MPHOSPH9: variants seen among roughly 807,000 people sequenced by gnomAD.
The protein encoded by MPHOSPH9 is M-phase phosphoprotein 9.
In MPHOSPH9, 88 loss-of-function variants were observed where a neutral mutation model predicts 145.5. That is an observed-to-expected ratio of 0.60 (90% CI 0.51 to 0.72). The LOEUF (loss-of-function observed/expected upper bound fraction) is 0.72, where lower values mean the gene tolerates loss of function less well. Ranked by LOEUF, MPHOSPH9 falls within the 30% of genes least tolerant of loss-of-function variation. The probability of loss-of-function intolerance (pLI) is 0.00; values close to 1 mark genes in which losing one functional copy is unlikely to be tolerated. For synonymous variants in MPHOSPH9, 435 were observed against 486.2 expected (o/e 0.89, Z 1.39); for missense variants, 1,238 against 1,386.6 (o/e 0.89, Z 1.70).
At chr12:123,238,511 CTG>C (rs1397318521) in intron 1 of MPHOSPH9, among the ~76,000 whole-genome samples, 7 of 152,146 alleles carry the variant, frequency 4.6e-5, no homozygotes, top group African/African-American at 1.7e-4. Context: ...TGGCTCATGA[CTG>C]TAATCCCAGC....
chr12:123,217,287 TC>T (rs2047010328), intron 6 of MPHOSPH9, among the ~76,000 whole-genome samples: 1 of 151,792 alleles, frequency 6.6e-6, no homozygotes, highest in Admixed American at 6.6e-5. Flanking sequence ...AACCTCTGTC[TC>T]CCCAGTTCAA....
intron 23 of MPHOSPH9, among the ~76,000 whole-genome samples, chr12:123,157,166 T>C (rs1352363549): frequency 6.6e-6 from 1 of 152,152 alleles, no homozygotes; most frequent in African/African-American, 2.4e-5. Flanking sequence ...ATTCTAGTAA[T>C]AGCAATACAA....
Position 123,210,136 on chromosome 12 carries a change from T to C in MPHOSPH9, c.1114A>G (p.Lys372Glu). Residue 372 changes from lysine to glutamate, a missense_variant, in exon 8 of 24, where the codon AAG becomes GAG. Around this residue, in one of 3 missense-constraint regions of MPHOSPH9, gnomAD observed 837 missense variants for 897.5 expected, o/e 0.93. Transcript: ENST00000606320. ...TCAGGCAAAGAGTGGTGCATATCCTTTTCCTCTAGTTTCCAGTAAGTCAAT... is the reference window on the plus strand; with the variant it reads ...TCAGGCAAAGAGTGGTGCATATCCTCTTCCTCTAGTTTCCAGTAAGTCAAT... ...TGLTYWKLEE[K>E]DMHHSLPETL... 6.2e-7 allele frequency: 1 copy of C among 1,605,024 alleles called. No individual in the cohort carries two copies. Among genetic ancestry groups the C allele is most frequent in the African/African-American group, 1.3e-5 (1 of 74,678 alleles).
At position 123,159,352 on chromosome 12, in the gene MPHOSPH9, A is replaced by G. The variant is rs987403358; in HGVS notation, c.3450+1429T>C. ...CTAATTTTTTGTATTTTTAGTAGAG[A>G]TGGGGTTTTGCCATGTTGGCCAGGC... On this transcript the variant is annotated intron_variant, in intron 23 of 23. Coordinates refer to ENST00000606320, the MANE Select transcript of MPHOSPH9 (RefSeq NM_022782.4). The surrounding 1 kb of genome is among the most constrained non-coding windows in gnomAD (Gnocchi z 4.3). Among the ~76,000 whole-genome samples, 1 of 151,872 alleles carries G rather than the reference A, an allele frequency of 6.6e-6. No homozygotes were observed. Among genetic ancestry groups the G allele is most frequent in the African/African-American group, 2.4e-5 (1 of 41,354 alleles).
intron 6 of MPHOSPH9, 62 bp downstream of exon 6, chr12:123,218,314 G>A (rs1022316320): frequency 1.0e-4 from 161 of 1,590,802 alleles, no homozygotes; most frequent in Middle Eastern, 1.7e-4. Context: ...GTTCATGAGC[G>A]TGTACTAAAC....
chr12:123,200,752 G>A (rs1350125549), intron 11 of MPHOSPH9, among the ~76,000 whole-genome samples: 2 of 151,068 alleles, frequency 1.3e-5, no homozygotes, highest in East Asian at 1.9e-4. Flanking sequence ...TCTGCCTCTC[G>A]GGTTCAAGTG....
At chr12:123,233,726 C>T (rs1316249766), upstream of MPHOSPH9, 1 of 152,306 alleles carries the variant, frequency 6.6e-6, no homozygotes, top group African/African-American at 2.4e-5. Context: ...TTCTCGGGAC[C>T]TGGTTTACGC....
chr12:123,166,719 C>T lies in MPHOSPH9; in HGVS notation c.2527G>A (p.Gly843Ser), dbSNP rs1451758796. The change falls in exon 17 of 24, where the codon GGC becomes AGC. Residue 843 changes from glycine to serine, a missense_variant. By Grantham distance (56) the Gly-to-Ser change is moderately conservative (BLOSUM62 0). This residue lies in a region of MPHOSPH9 where 393 missense variants were observed against 462.5 expected (regional missense o/e 0.85). Coordinates refer to ENST00000606320, the MANE Select transcript of MPHOSPH9 (RefSeq NM_022782.4). The stretch of plus-strand genomic sequence containing the variant: ...CTGTCCTGGGTGTCCAGAGGCTGGC[C>T]AGTAAAGATGGAATACTCTGCACCT... ...IPGAEYSIFT[G>S]QPLDTQDSNV... 6.2e-7 allele frequency: 1 copy of T among 1,614,012 alleles called. No homozygotes were observed. The highest frequency in any genetic ancestry group is 8.5e-7 in the Non-Finnish European group (1 of 1,180,036).
At chr12:123,170,897 T>C (rs11057179) in intron 16 of MPHOSPH9, among the ~76,000 whole-genome samples, 1 of 152,230 alleles carries the variant, frequency 6.6e-6, no homozygotes. Context: ...TGTCTCTCCA[T>C]ATCTTTGCCA....
In MPHOSPH9 at chr12:123,223,144, TA is replaced by T; in HGVS notation, c.259-18del. 7.7e-7 allele frequency: 1 copy of T among 1,306,962 alleles called. No homozygotes were observed. The highest frequency in any genetic ancestry group is 9.8e-7 in the Non-Finnish European group (1 of 1,019,828). 81.0% of individuals were successfully genotyped at this position (1,306,962 alleles called of 1,614,324 possible). A position where few individuals can be genotyped will look rare whatever the true frequency, so the allele number is the denominator to read the frequency against. On this transcript the variant is annotated intron_variant, in intron 3 of 23. Coordinates refer to ENST00000606320, the MANE Select transcript of MPHOSPH9 (RefSeq NM_022782.4). ...CCACCTGGTCTATTAAATTATAAAATATTTTAGTTAAAAATAATTTTTTGAC... is the reference window on the plus strand; with the variant it reads ...CCACCTGGTCTATTAAATTATAAAATTTTTAGTTAAAAATAATTTTTTGAC...
intron 8 of MPHOSPH9, among the ~76,000 whole-genome samples, chr12:123,209,608 C>A (rs1357896868): frequency 1.3e-5 from 2 of 152,040 alleles, no homozygotes; most frequent in Non-Finnish European, 2.9e-5. Flanking sequence ...CGGGGTTTCA[C>A]CATGTTAGCC....
At chr12:123,163,921 C>T (rs756058203) in intron 19 of MPHOSPH9, 29 bp downstream of exon 19, 1 of 1,612,064 alleles carries the variant, frequency 6.2e-7, no homozygotes, top group Non-Finnish European at 8.5e-7. Context: ...CGCTTTTGAA[C>T]CCAAGAGATG....
chr12:123,169,081 T>A (rs1369419954), intron 16 of MPHOSPH9, among the ~76,000 whole-genome samples: 1 of 151,598 alleles, frequency 6.6e-6, no homozygotes. Context: ...GGATGGGGTT[T>A]CACCATGTTA....
chr12:123,207,885 G>C (rs948207164), intron 8 of MPHOSPH9, among the ~76,000 whole-genome samples: 1 of 147,420 alleles, frequency 6.8e-6, no homozygotes, highest in Non-Finnish European at 1.5e-5. Context: ...AAAAAATACA[G>C]AGGTGAAATA....
chr12:123,186,126 C>T (rs1294556093), intron 13 of MPHOSPH9, among the ~76,000 whole-genome samples: 1 of 149,042 alleles, frequency 6.7e-6, no homozygotes, highest in Non-Finnish European at 1.5e-5. Flanking sequence ...ACTTGGGAGG[C>T]TGAGGCGGGA....
At chr12:123,160,050 T>TA (rs2044040212) in intron 23 of MPHOSPH9, 1 of 152,018 alleles carries the variant, frequency 6.6e-6, no homozygotes, top group South Asian at 2.1e-4. Context: ...TTTTGTACTT[T>TA]AGTAGAGACG....
intron 1 of MPHOSPH9, among the ~76,000 whole-genome samples, chr12:123,241,465 A>G (rs944967945): frequency 2.6e-5 from 4 of 151,992 alleles, no homozygotes; most frequent in African/African-American, 9.7e-5. Flanking sequence ...AGTCCTCCCA[A>G]GTAGCTGGGA....
intron 13 of MPHOSPH9, among the ~76,000 whole-genome samples, chr12:123,193,105 A>T (rs1164898425): frequency 2.7e-5 from 3 of 110,854 alleles, no homozygotes; most frequent in Non-Finnish European, 5.6e-5. Flanking sequence ...AAATATATAT[A>T]TATACACACA....
At chr12:123,160,641 C>T in intron 23 of MPHOSPH9, 140 bp downstream of exon 23, 1 of 666,904 alleles carries the variant, frequency 1.5e-6, no homozygotes, top group Non-Finnish European at 2.5e-6. Context: ...TCAAACACTT[C>T]CCGTAAAAGC....
Sources: allele counts gnomAD v4.1 joint callset (sites outside exome capture counted in the v4.1 genomes callset), GRCh38; gene constraint gnomAD v4.1.1; regional missense constraint gnomAD v4.1.1; non-coding constraint Gnocchi (gnomAD v3.1); transcripts MANE v1.5; gene names NCBI Gene and HGNC (gene_info 2026-07-23, HGNC 2026-07-21).